Variants in GID8 observed in about 807,000 individuals in gnomAD.
The protein encoded by GID8 is GID complex subunit 8 homolog.
Under a neutral mutation model 27.4 loss-of-function variants are expected in GID8, and 6 were observed. The ratio of observed to expected loss-of-function variants is 0.22; its 90% CI spans 0.12 to 0.43. GID8 has a LOEUF of 0.43. Ranked by LOEUF, GID8 falls within the 20% of genes least tolerant of loss-of-function variation. The pLI is 1.00. For synonymous variants in GID8, 112 were observed against 109.0 expected, an observed-to-expected ratio of 1.03 and a Z score of -0.17; for missense variants, 173 against 287.6, an observed-to-expected ratio of 0.60 and a Z score of 2.88.
rs1255365376 is a variant in GID8 at position 62,938,206 on chromosome 20, G to A, written c.-60G>A. The A allele has an allele frequency of 5.5e-6, 1 of 181,438 alleles. No individual in the cohort carries two copies. The highest frequency in any genetic ancestry group is 6.3e-5 in the Admixed American group (1 of 15,992). 11.2% of individuals were successfully genotyped at this position (181,438 alleles called of 1,614,324 possible). On this transcript the variant is annotated 5_prime_UTR_variant, in exon 1 of 5. Transcript: ENST00000266069. ...TCTCCCCAGCCCAGGAGAGGCTGCG[G>A]AGCCGCAGCCGCCCAGACCGCGCAG...
rs2147632683 is a variant in GID8 at position 62,943,815 on chromosome 20, T to G, written c.513+123T>G. 8.8e-6 allele frequency: 6 copies of G among 678,964 alleles called. No homozygotes were observed. The South Asian group carries it at 1.1e-4, about 13-fold the overall frequency. 42.1% of individuals were successfully genotyped at this position (678,964 alleles called of 1,614,324 possible). A position where few individuals can be genotyped will look rare whatever the true frequency, so the allele number is the denominator to read the frequency against. On this transcript the variant is annotated intron_variant, in intron 4 of 4. Coordinates refer to ENST00000266069, the MANE Select transcript of GID8 (RefSeq NM_017896.3). This position sits in a 1 kb window ranked among gnomAD's most constrained non-coding sequence, Gnocchi z 4.7. ...AGACAGGTGGCTTCTGTGCCTGGGATGCTAAGTGGTTCCTTCATGGCTTTT... is the reference window on the plus strand; with the variant it reads ...AGACAGGTGGCTTCTGTGCCTGGGAGGCTAAGTGGTTCCTTCATGGCTTTT...
At position 62,944,883 on chromosome 20, in the gene GID8, A is replaced by G; in HGVS notation, c.658A>G (p.Ser220Gly). The G allele has an allele frequency of 6.2e-7, 1 of 1,613,634 alleles. No individual in the cohort carries two copies. The highest frequency in any genetic ancestry group is 8.5e-7 in the Non-Finnish European group (1 of 1,179,674). ...KVKYPKMTDL[S>G]KGVIEEPK ...AAAATATCCCAAAATGACAGACCTCAGCAAGGGTGTGATTGAGGAGCCCAA... is the reference window on the plus strand; with the variant it reads ...AAAATATCCCAAAATGACAGACCTCGGCAAGGGTGTGATTGAGGAGCCCAA... The change falls in exon 5 of 5, where the codon AGC becomes GGC. Residue 220 changes from serine (S) to glycine (G), a missense_variant. Transcript: ENST00000266069.
chr20:62,942,822 A>G (rs896341270), intron 2 of GID8, among the ~76,000 whole-genome samples, 165 bp from the exon 3 acceptor site: 1 of 152,270 alleles, frequency 6.6e-6, no homozygotes, highest in Admixed American at 6.5e-5. Flanking sequence ...ATGTATTTTG[A>G]GAGCATAACT....
Position 62,945,657 on chromosome 20 carries a change from G to T in GID8, c.*745G>T. On this transcript the variant is annotated 3_prime_UTR_variant, in exon 5 of 5. Transcript: ENST00000266069. ...AGAATGACCAAAATGGCCTCTAAAA[G>T]ATGTTAATCATCTCAAATGACCTTT... The T allele has an allele frequency of 8.5e-7, 1 of 1,176,682 alleles. No homozygotes were observed. The highest frequency in any genetic ancestry group is 1.1e-6 in the Non-Finnish European group (1 of 934,508). 72.9% of individuals were successfully genotyped at this position (1,176,682 alleles called of 1,614,324 possible). A position where few individuals can be genotyped will look rare whatever the true frequency, so the allele number is the denominator to read the frequency against.
At position 62,946,020 on chromosome 20, in the gene GID8, C is replaced by T. The variant is rs568936390; in HGVS notation, c.*1108C>T. On this transcript the variant is annotated 3_prime_UTR_variant, in exon 5 of 5. Coordinates refer to ENST00000266069, the MANE Select transcript of GID8 (RefSeq NM_017896.3). ...GGTGCAGGGCTGCGTGCATTGCCTG[C>T]GAGTCGGGACAGTTGATGGGCACAT... 17 of 1,289,014 alleles carry T rather than the reference C, an allele frequency of 1.3e-5. No individual in the cohort carries two copies. The highest frequency in any genetic ancestry group is 1.2e-4 in the African/African-American group (8 of 65,974). 79.8% of individuals were successfully genotyped at this position (1,289,014 alleles called of 1,614,324 possible).
Position 62,942,937 on chromosome 20 carries a change from C to T in GID8, c.119-50C>T, listed in dbSNP as rs779549043. Reference sequence around the variant, plus strand: ...GTTTCTGGAGATACAAAGTCTTTGCCTTAATTCCTTGCTAACTTTCCTAGC... The same window carrying T: ...GTTTCTGGAGATACAAAGTCTTTGCTTTAATTCCTTGCTAACTTTCCTAGC... On this transcript the variant is annotated intron_variant, in intron 2 of 4. Transcript: ENST00000266069. The T allele has an allele frequency of 4.7e-5, 67 of 1,428,488 alleles. No individual in the cohort carries two copies. The Middle Eastern group carries it at 1.1e-3, about 23-fold the overall frequency. The allele number at this position is 1,428,488 out of a possible 1,614,324, so 88.5% of individuals were successfully genotyped here.
In GID8 at chr20:62,945,585, C is replaced by G. The variant is rs2065462843; in HGVS notation, c.*673C>G. 4.4e-6 allele frequency: 5 copies of G among 1,143,532 alleles called. No individual in the cohort carries two copies. Among genetic ancestry groups the G allele is most frequent in the Middle Eastern group, 4.1e-4 (1 of 2,440 alleles). 70.8% of individuals were successfully genotyped at this position (1,143,532 alleles called of 1,614,324 possible). On this transcript the variant is annotated 3_prime_UTR_variant, in exon 5 of 5. Coordinates refer to ENST00000266069, the MANE Select transcript of GID8 (RefSeq NM_017896.3). ...TGTTCCTAGTGGATCAATGAACCAT[C>G]TCTTCTGGGCAGTTTTGTTGAAAAT...
chr20:62,940,490 C>T (rs1445624105), intron 1 of GID8, among the ~76,000 whole-genome samples: 1 of 152,120 alleles, frequency 6.6e-6, no homozygotes, highest in Non-Finnish European at 1.5e-5. Flanking sequence ...GCTGGGACTA[C>T]AGGCGCCCGC....
chr20:62,941,568 G>A lies in GID8; in HGVS notation c.66G>A (p.Leu22=). The part of the protein sequence containing the change: ...KDEWMEKLNN[L]HVQRADMNRL... ...AGTGGATGGAAAAGCTCAATAACTT[G>A]CATGTCCAGAGAGCAGACATGAACC... The change falls in exon 2 of 5, where the codon TTG becomes TTA. Residue 22 remains leucine, a synonymous_variant. Coordinates refer to ENST00000266069, the MANE Select transcript of GID8 (RefSeq NM_017896.3). 6.2e-7 allele frequency: 1 copy of A among 1,613,362 alleles called. No homozygotes were observed. The highest frequency in any genetic ancestry group is 8.5e-7 in the Non-Finnish European group (1 of 1,179,240).
chr20:62,941,486 T>G lies in GID8; in HGVS notation c.-12-5T>G. The stretch of plus-strand genomic sequence containing the variant: ...CCTCCCTCAGCTGTTATTTTTTTCC[T>G]GTAGAAATAAATCAGAATGAGTTAT... On this transcript the variant is annotated splice_region_variant and splice_polypyrimidine_tract_variant and intron_variant, in intron 1 of 4. Coordinates refer to ENST00000266069, the MANE Select transcript of GID8 (RefSeq NM_017896.3). The G allele has an allele frequency of 6.7e-7, 1 of 1,493,808 alleles. No individual in the cohort carries two copies. Among genetic ancestry groups the G allele is most frequent in the Non-Finnish European group, 9.3e-7 (1 of 1,070,588 alleles). The allele number at this position is 1,493,808 out of a possible 1,614,324, so 92.5% of individuals were successfully genotyped here.
Position 62,945,975 on chromosome 20 carries a change from G to T in GID8, c.*1063G>T. On this transcript the variant is annotated 3_prime_UTR_variant, in exon 5 of 5. Transcript: ENST00000266069. The stretch of plus-strand genomic sequence containing the variant: ...CACTCACAGAACTGTCCCCTGCTCC[G>T]TGGTGGGCAGGAGGGAAGTGGTGCA... 2 of 1,289,442 alleles carry T rather than the reference G, an allele frequency of 1.6e-6. No homozygotes were observed. Among genetic ancestry groups the T allele is most frequent in the Non-Finnish European group, 2.0e-6 (2 of 988,848 alleles). 79.9% of individuals were successfully genotyped at this position (1,289,442 alleles called of 1,614,324 possible).
Position 62,943,481 on chromosome 20 carries a change from GTC to G in GID8, c.316-10_316-9del, listed in dbSNP as rs1340065619. ...GGGTGTGTGGGGGTCAAGCTTGTCT[GTC>G]TCTGCCTCCAGCAACAGCATTTGAT... On this transcript the variant is annotated splice_polypyrimidine_tract_variant and intron_variant, in intron 3 of 4. Coordinates refer to ENST00000266069, the MANE Select transcript of GID8 (RefSeq NM_017896.3). The surrounding 1 kb of genome is among the most constrained non-coding windows in gnomAD (Gnocchi z 4.7). 1.2e-6 allele frequency: 2 copies of G among 1,611,050 alleles called. No homozygotes were observed. Among genetic ancestry groups the G allele is most frequent in the Non-Finnish European group, 1.7e-6 (2 of 1,179,316 alleles).
At chr20:62,940,994 A>G (rs979207972) in intron 1 of GID8, among the ~76,000 whole-genome samples, 30 of 151,930 alleles carry the variant, frequency 2.0e-4, no homozygotes, top group Non-Finnish European at 3.1e-4. Flanking sequence ...ATCGTTGTAC[A>G]TTGAAGAATT....
At position 62,943,811 on chromosome 20, in the gene GID8, G is replaced by A. The variant is rs2065454259; in HGVS notation, c.513+119G>A. Reference sequence around the variant, plus strand: ...TGAGAGACAGGTGGCTTCTGTGCCTGGGATGCTAAGTGGTTCCTTCATGGC... The same window carrying A: ...TGAGAGACAGGTGGCTTCTGTGCCTAGGATGCTAAGTGGTTCCTTCATGGC... On this transcript the variant is annotated intron_variant, in intron 4 of 4. Transcript: ENST00000266069. The surrounding 1 kb of genome is among the most constrained non-coding windows in gnomAD (Gnocchi z 4.7). 2.8e-6 allele frequency: 2 copies of A among 722,020 alleles called. No homozygotes were observed. The highest frequency in any genetic ancestry group is 2.7e-5 in the Admixed American group (1 of 37,428). The allele number at this position is 722,020 out of a possible 1,614,324, so 44.7% of individuals were successfully genotyped here.
At position 62,946,176 on chromosome 20, in the gene GID8, G is replaced by A. The variant is rs980527712; in HGVS notation, c.*1264G>A. ...TGGAATTGCTGACCCATCCAAGGGC[G>A]TCCTTTGGAGCCAGTGGAGCCTGCC... is the stretch of plus-strand genomic sequence containing the variant. On this transcript the variant is annotated 3_prime_UTR_variant, in exon 5 of 5. Coordinates refer to ENST00000266069, the MANE Select transcript of GID8 (RefSeq NM_017896.3). The A allele has an allele frequency of 5.3e-5, 24 of 451,688 alleles. No homozygotes were observed. Among genetic ancestry groups the A allele is most frequent in the Admixed American group, 4.7e-4 (13 of 27,588 alleles). 28.0% of individuals were successfully genotyped at this position (451,688 alleles called of 1,614,324 possible).
intron 1 of GID8, among the ~76,000 whole-genome samples, chr20:62,940,763 A>G (rs76117286): frequency 3.1e-4 from 47 of 152,376 alleles, no homozygotes; most frequent in African/African-American, 1.1e-3. Context: ...ACATGACCAC[A>G]GTCCCTTCTC....
At chr20:62,939,477 G>T (rs1476728617) in intron 1 of GID8, among the ~76,000 whole-genome samples, 1 of 146,466 alleles carries the variant, frequency 6.8e-6, no homozygotes, top group East Asian at 2.0e-4. Context: ...CTCAGGATCT[G>T]TAATTCAGAC....
chr20:62,944,926 G>C lies in GID8; in HGVS notation c.*14G>C, dbSNP rs1463086734. On this transcript the variant is annotated 3_prime_UTR_variant, in exon 5 of 5. Transcript: ENST00000266069. ...GAGCCCAAGTAGCGCCTGCGCTTGC[G>C]TGGTGGATCCAACACCAGCCCTGCG... The C allele has an allele frequency of 6.2e-7, 1 of 1,603,268 alleles. No individual in the cohort carries two copies. The highest frequency in any genetic ancestry group is 8.5e-7 in the Non-Finnish European group (1 of 1,174,252).
chr20:62,942,783 G>A lies in GID8; in HGVS notation c.119-204G>A, dbSNP rs187813887. Reference sequence around the variant, plus strand: ...TAGAGTTTTTGGATGGGATAACAAGGAATGAAGTATACTCTTCTCATTTTC... The same window carrying A: ...TAGAGTTTTTGGATGGGATAACAAGAAATGAAGTATACTCTTCTCATTTTC... On this transcript the variant is annotated intron_variant, in intron 2 of 4. Transcript: ENST00000266069. 2.0e-5 allele frequency among the ~76,000 whole-genome samples: 3 copies of A among 152,356 alleles called. No homozygotes were observed. The East Asian group carries it at 5.8e-4, about 29-fold the overall frequency.
Sources: allele counts gnomAD v4.1 joint callset (sites outside exome capture counted in the v4.1 genomes callset), GRCh38; gene constraint gnomAD v4.1.1; non-coding constraint Gnocchi (gnomAD v3.1); transcripts MANE v1.5; gene names NCBI Gene and HGNC (gene_info 2026-07-23, HGNC 2026-07-21).